KAZN: variants seen among roughly 807,000 people sequenced by gnomAD.
KAZN encodes the protein kazrin.
Under a neutral mutation model 87.4 loss-of-function variants are expected in KAZN, and 40 were observed. That is an observed-to-expected ratio of 0.46 (90% CI 0.36 to 0.60). The LOEUF (loss-of-function observed/expected upper bound fraction) is 0.60, where lower values mean the gene tolerates loss of function less well. KAZN is among the 20% of genes least tolerant of loss of function. The probability of loss-of-function intolerance (pLI) is 0.00; values close to 1 mark genes in which losing one functional copy is unlikely to be tolerated. For synonymous variants in KAZN, 466 were observed against 458.3 expected (o/e 1.02, Z -0.22); for missense variants, 898 against 1,073.9 (o/e 0.84, Z 2.29).
chr1:14,886,760 C>T (rs1376664717), intron 1 of KAZN, among the ~76,000 whole-genome samples: 1 of 152,156 alleles, frequency 6.6e-6, no homozygotes, highest in Non-Finnish European at 1.5e-5. Flanking sequence ...CGTTATACTC[C>T]AGCCTGGGCA....
intron 2 of KAZN, among the ~76,000 whole-genome samples, chr1:14,998,598 G>C (rs1472846520): frequency 6.6e-6 from 1 of 151,996 alleles, no homozygotes; most frequent in African/African-American, 2.4e-5. Context: ...GCCCAGGCTG[G>C]AGTGCAGTGG....
At chr1:13,995,219 C>CA (rs113600200) in intron 1 of KAZN, among the ~76,000 whole-genome samples, 31,666 of 107,276 alleles carry the variant, frequency 0.3, 4,186 homozygotes, top group African/African-American at 0.41. Context: ...TGCAATAAGG[C>CA]AAAAAAAAAA....
At chr1:14,605,478 C>T (rs1677287355) in intron 1 of KAZN, among the ~76,000 whole-genome samples, 1 of 152,160 alleles carries the variant, frequency 6.6e-6, no homozygotes, top group African/African-American at 2.4e-5. Flanking sequence ...ATAATATAAA[C>T]AGTTAACAGA....
chr1:15,012,353 C>A (rs1669657532), intron 2 of KAZN, among the ~76,000 whole-genome samples: 1 of 152,150 alleles, frequency 6.6e-6, no homozygotes, highest in South Asian at 2.1e-4. Context: ...GGCTCCAGAC[C>A]TCAGTGTTAG....
intron 2 of KAZN, among the ~76,000 whole-genome samples, chr1:14,250,004 A>G (rs1314006895): frequency 6.6e-6 from 1 of 152,176 alleles, no homozygotes; most frequent in African/African-American, 2.4e-5. Context: ...GCAGCAAAAA[A>G]GCAGTTATGC....
chr1:14,331,587 C>T (rs560402725), intron 2 of KAZN, among the ~76,000 whole-genome samples: 1 of 152,264 alleles, frequency 6.6e-6, no homozygotes, highest in Admixed American at 6.5e-5. Context: ...TAATTATAAG[C>T]TGTGGTTTGT....
chr1:14,125,579 C>T (rs1311596825), intron 1 of KAZN, among the ~76,000 whole-genome samples: 4 of 152,112 alleles, frequency 2.6e-5, no homozygotes, highest in African/African-American at 4.8e-5. Flanking sequence ...CCAAAGCCAC[C>T]AGAAGCTGGG....
intron 2 of KAZN, among the ~76,000 whole-genome samples, chr1:14,415,751 CCTTCCCTTCCCTGACTCCCTTCCCTA>C (rs1340218257): frequency 6.6e-6 from 1 of 152,078 alleles, no homozygotes; most frequent in African/African-American, 2.4e-5. Flanking sequence ...TTTTGCCTTC[CCTTCCCTTCCCTGACTCCCTTCCCTA>C]CTTCCCTACC....
chr1:14,373,198 A>AATATATATATATATATATATATATAT (rs58491688), intron 2 of KAZN, among the ~76,000 whole-genome samples: 20 of 149,244 alleles, frequency 1.3e-4, no homozygotes, highest in African/African-American at 4.7e-4. Context: ...TGAAAAACTG[A>AATATATATATATATATATATATATAT]ATATATATAT....
In KAZN at chr1:14,176,884, T is replaced by G. The variant is rs112313987; in HGVS notation, c.92-3551T>G. 7.2e-3 allele frequency among the ~76,000 whole-genome samples: 1,098 copies of G among 152,286 alleles called. 18 individuals are homozygous for G. The highest frequency in any genetic ancestry group is 0.025 in the African/African-American group (1,042 of 41,564). On this transcript the variant is annotated intron_variant, in intron 1 of 16. Transcript: ENST00000636203. Reference sequence around the variant, plus strand: ...GTATAAGATCTAAAACTTAGGTTGTTCGCAGTGGCTCATGCCTATAGTCCC... The same window carrying G: ...GTATAAGATCTAAAACTTAGGTTGTGCGCAGTGGCTCATGCCTATAGTCCC...
At chr1:14,405,184 C>CT (rs1663730558) in intron 2 of KAZN, among the ~76,000 whole-genome samples, 1 of 152,150 alleles carries the variant, frequency 6.6e-6, no homozygotes, top group African/African-American at 2.4e-5. Context: ...TGACAACAAA[C>CT]TCAACGATTT....
At chr1:14,798,007 A>G (rs1282139088) in intron 1 of KAZN, among the ~76,000 whole-genome samples, 2 of 152,178 alleles carry the variant, frequency 1.3e-5, no homozygotes, top group Non-Finnish European at 1.5e-5. Flanking sequence ...AGGGACTCCT[A>G]TCTCCCCCAC....
chr1:14,717,220 C>T (rs1477140920), intron 1 of KAZN, among the ~76,000 whole-genome samples: 3 of 151,788 alleles, frequency 2.0e-5, no homozygotes, highest in East Asian at 1.9e-4. Flanking sequence ...CACAGGGATT[C>T]GTGTGTTCAT....
chr1:13,923,430 G>A (rs1302176782), intron 1 of KAZN, among the ~76,000 whole-genome samples: 2 of 151,848 alleles, frequency 1.3e-5, no homozygotes, highest in African/African-American at 2.4e-5. Context: ...AAAATTAGCC[G>A]GGCGTGGTGG....
intron 1 of KAZN, among the ~76,000 whole-genome samples, chr1:14,691,145 G>C (rs993447820): frequency 6.6e-6 from 1 of 152,102 alleles, no homozygotes; most frequent in African/African-American, 2.4e-5. Context: ...TAAAGCTTTG[G>C]GGATTTTTGA....
intron 1 of KAZN, among the ~76,000 whole-genome samples, chr1:14,794,108 C>A (rs1645762146): frequency 6.6e-6 from 1 of 152,204 alleles, no homozygotes; most frequent in African/African-American, 2.4e-5. Context: ...CAGGATGCAA[C>A]CTGGTTTGGA....
At chr1:14,011,238 CGTG>C (rs1640289452) in intron 1 of KAZN, among the ~76,000 whole-genome samples, 1 of 152,184 alleles carries the variant, frequency 6.6e-6, no homozygotes, top group Non-Finnish European at 1.5e-5. Context: ...GAAGACCTCA[CGTG>C]ATCTGGTGGC....
intron 1 of KAZN, among the ~76,000 whole-genome samples, chr1:14,690,115 A>C (rs1226096779): frequency 6.6e-6 from 1 of 152,162 alleles, no homozygotes; most frequent in East Asian, 1.9e-4. Context: ...GCTGCCCTCC[A>C]TGAACAAATG....
At chr1:13,897,995 G>A (rs1171594023) in intron 1 of KAZN, among the ~76,000 whole-genome samples, 2 of 152,190 alleles carry the variant, frequency 1.3e-5, no homozygotes, top group Non-Finnish European at 2.9e-5. Flanking sequence ...GTCTGGCCAG[G>A]CAGGCATGAC....
Sources: allele counts gnomAD v4.1 joint callset (sites outside exome capture counted in the v4.1 genomes callset), GRCh38; gene constraint gnomAD v4.1.1; transcripts MANE v1.5; gene names NCBI Gene and HGNC (gene_info 2026-07-23, HGNC 2026-07-21).